The following STXBP3 variants were observed in gnomAD, a reference collection of about 807,000 sequenced individuals.
STXBP3 encodes syntaxin binding protein 3, also known as syntaxin-binding protein 3.
In STXBP3, 41 loss-of-function variants were observed where a neutral mutation model predicts 85.7. That is an observed-to-expected ratio of 0.48 (90% CI 0.37 to 0.62). The LOEUF (loss-of-function observed/expected upper bound fraction) is 0.62. Ranked by LOEUF, STXBP3 falls within the 20% of genes least tolerant of loss-of-function variation. STXBP3 has a pLI of 0.00. For synonymous variants in STXBP3, 229 were observed against 231.7 expected, an observed-to-expected ratio of 0.99 and a Z score of 0.10; for missense variants, 563 against 703.1, an observed-to-expected ratio of 0.80 and a Z score of 2.25.
chr1:108,794,862 G>A lies in STXBP3; in HGVS notation c.1065G>A (p.Met355Ile). The A allele has an allele frequency of 6.2e-7, 1 of 1,610,702 alleles. No individual in the cohort carries two copies. Among genetic ancestry groups the A allele is most frequent in the Non-Finnish European group, 8.5e-7 (1 of 1,178,184 alleles). ...ATCTTAACTTAGCAGAAGATTGCAT[G>A]AATAAGTTCAAGCTTAATATAGAAA... ...VVHLNLAEDC[M>I]NKFKLNIEKL... The change falls in exon 13 of 19, where the codon ATG (methionine) becomes ATA (isoleucine). Residue 355 changes from methionine to isoleucine, a missense_variant. This residue lies in a region of STXBP3 where 494 missense variants were observed against 592.8 expected (regional missense o/e 0.83). Transcript: ENST00000370008.
intron 17 of STXBP3, among the ~76,000 whole-genome samples, chr1:108,803,801 T>C (rs1315100549): frequency 1.3e-5 from 2 of 152,202 alleles, no homozygotes. Context: ...TGGTAGTCTT[T>C]ACAGTTTTAT....
chr1:108,774,365 C>G (rs1034957244), intron 7 of STXBP3, among the ~76,000 whole-genome samples: 1 of 152,088 alleles, frequency 6.6e-6, no homozygotes, highest in Non-Finnish European at 1.5e-5. Context: ...TTGCACTACT[C>G]GTAATAAGTA....
At chr1:108,798,511 G>C (rs1393964222) in intron 16 of STXBP3, among the ~76,000 whole-genome samples, 1 of 150,668 alleles carries the variant, frequency 6.6e-6, no homozygotes, top group East Asian at 2.0e-4. Flanking sequence ...CGCCTCCCAG[G>C]TTCCAGCAAT....
chr1:108,803,973 G>T (rs1160440392), intron 17 of STXBP3, among the ~76,000 whole-genome samples: 3 of 152,158 alleles, frequency 2.0e-5, no homozygotes, highest in Non-Finnish European at 4.4e-5. Context: ...TTGTACCTTT[G>T]TAAATAATTA....
intron 6 of STXBP3, among the ~76,000 whole-genome samples, chr1:108,771,620 C>CTG (rs1553196444): frequency 7.5e-5 from 1 of 13,364 alleles, no homozygotes; most frequent in Non-Finnish European, 1.4e-4. Context: ...TGATATATAT[C>CTG]TATATATCAT....
chr1:108,771,395 A>G lies in STXBP3; in HGVS notation c.439-1270A>G, dbSNP rs529201251. Among the ~76,000 whole-genome samples the G allele has an allele frequency of 1.5e-3, 158 of 104,362 alleles. 1 individual carries two copies. The highest frequency in any genetic ancestry group is 2.3e-3 in the Non-Finnish European group (118 of 51,380). 68.5% of individuals were successfully genotyped at this position (104,362 alleles called of 152,430 possible). ...ATATATATATAATATATAAATATAT[A>G]TGATATATATCTATATATATAATAT... On this transcript the variant is annotated intron_variant, in intron 6 of 18. Coordinates refer to ENST00000370008, the MANE Select transcript of STXBP3 (RefSeq NM_007269.4).
intron 6 of STXBP3, among the ~76,000 whole-genome samples, chr1:108,765,741 TTG>T (rs1241502420): frequency 6.6e-6 from 1 of 151,854 alleles, no homozygotes; most frequent in African/African-American, 2.4e-5. Flanking sequence ...GGGCTAATGT[TTG>T]TACTTTTAGT....
In STXBP3 at chr1:108,809,433, A is replaced by G. The variant is rs1663408385; in HGVS notation, c.*556A>G. 1 of 152,544 alleles carries G rather than the reference A, an allele frequency of 6.6e-6. No individual in the cohort carries two copies. The allele number at this position is 152,544 out of a possible 1,614,324, so 9.4% of individuals were successfully genotyped here. A position where few individuals can be genotyped will look rare whatever the true frequency, so the allele number is the denominator to read the frequency against. On this transcript the variant is annotated 3_prime_UTR_variant, in exon 19 of 19. Coordinates refer to ENST00000370008, the MANE Select transcript of STXBP3 (RefSeq NM_007269.4). ...TTGCCACATACTTCTAAAGAACACA[A>G]TTTTATATAATTTTGAAATCATGTA...
intron 17 of STXBP3, among the ~76,000 whole-genome samples, chr1:108,805,682 C>G (rs186366602): frequency 2.4e-3 from 367 of 152,306 alleles, no homozygotes; most frequent in South Asian, 7.3e-3. Context: ...CTCGGCCTCC[C>G]GAAGTGCTGG....
intron 3 of STXBP3, among the ~76,000 whole-genome samples, chr1:108,753,541 A>G (rs970799117): frequency 5.9e-5 from 9 of 152,278 alleles, no homozygotes; most frequent in African/African-American, 2.2e-4. Flanking sequence ...GTACATGTTT[A>G]CAAATGCATA....
chr1:108,790,038 A>G (rs1347026571), intron 11 of STXBP3, among the ~76,000 whole-genome samples: 4 of 151,148 alleles, frequency 2.6e-5, no homozygotes, highest in Admixed American at 1.3e-4. Context: ...ATATATTATC[A>G]TAAGTGCCCT....
At chr1:108,774,513 A>G (rs1002876916) in intron 7 of STXBP3, among the ~76,000 whole-genome samples, 9 of 152,080 alleles carry the variant, frequency 5.9e-5, no homozygotes, top group Non-Finnish European at 1.2e-4. Flanking sequence ...AAATTCCACT[A>G]TTAGTACTTA....
Position 108,794,813 on chromosome 1 carries a change from C to A in STXBP3, c.1030-14C>A, listed in dbSNP as rs1401460018. 1.2e-6 allele frequency: 2 copies of A among 1,604,552 alleles called. No individual in the cohort carries two copies. Among genetic ancestry groups the A allele is most frequent in the Non-Finnish European group, 1.7e-6 (2 of 1,174,276 alleles). ...TTAAAATCCTTTAAATGATTGATTT[C>A]TTCTGTTTTTCAGCAAGTTGTCCAT... is the stretch of plus-strand genomic sequence containing the variant. On this transcript the variant is annotated splice_polypyrimidine_tract_variant and intron_variant, in intron 12 of 18. Coordinates refer to ENST00000370008, the MANE Select transcript of STXBP3 (RefSeq NM_007269.4).
intron 3 of STXBP3, among the ~76,000 whole-genome samples, chr1:108,754,493 G>A (rs536456587): frequency 7.9e-5 from 12 of 152,260 alleles, no homozygotes; most frequent in Admixed American, 7.8e-4. Context: ...TTTAAGTTCT[G>A]AAAGGTCATT....
At chr1:108,787,291 T>G (rs868556691) in intron 11 of STXBP3, among the ~76,000 whole-genome samples, 2 of 152,248 alleles carry the variant, frequency 1.3e-5, no homozygotes, top group Middle Eastern at 3.4e-3. Flanking sequence ...TACACAGTAA[T>G]ATAATCTGTG....
chr1:108,757,856 G>T (rs1337750052), intron 4 of STXBP3, among the ~76,000 whole-genome samples: 4 of 151,880 alleles, frequency 2.6e-5, no homozygotes, highest in African/African-American at 4.8e-5. Flanking sequence ...ACCATATGAT[G>T]ATATCTGAAT....
intron 11 of STXBP3, among the ~76,000 whole-genome samples, chr1:108,787,370 T>G (rs1324066419): frequency 6.6e-6 from 1 of 152,182 alleles, no homozygotes; most frequent in Non-Finnish European, 1.5e-5. Flanking sequence ...GAGAATACAG[T>G]CATGGGTTCT....
At chr1:108,807,213 G>A (rs892119316) in intron 17 of STXBP3, among the ~76,000 whole-genome samples, 188 bp from the exon 18 acceptor site, 4 of 142,254 alleles carry the variant, frequency 2.8e-5, no homozygotes, top group African/African-American at 1.1e-4. Flanking sequence ...AACCAAGATC[G>A]CTCCACTGCA....
At chr1:108,784,743 A>G (rs1209495683) in intron 11 of STXBP3, among the ~76,000 whole-genome samples, 1 of 152,210 alleles carries the variant, frequency 6.6e-6, no homozygotes, top group Non-Finnish European at 1.5e-5. Flanking sequence ...TGAGCCTATA[A>G]AATCAAAAAC....
Sources: gnomAD v4.1 joint callset for allele counts (sites outside exome capture counted in the v4.1 genomes callset) on GRCh38, gnomAD v4.1.1 for gene constraint, gnomAD v4.1.1 regional missense constraint, MANE v1.5 for transcripts, NCBI Gene and HGNC (gene_info 2026-07-23, HGNC 2026-07-21) for gene names.